Variants in TANC2 observed in about 807,000 individuals in gnomAD.
TANC2 encodes the protein tetratricopeptide repeat, ankyrin repeat and coiled-coil containing 2.
In TANC2, 26 loss-of-function variants were observed where a neutral mutation model predicts 210.5. The ratio of observed to expected loss-of-function variants is 0.12; its 90% CI spans 0.09 to 0.17. The LOEUF (loss-of-function observed/expected upper bound fraction) is 0.17, where lower values mean the gene tolerates loss of function less well. Among genes scored for constraint, TANC2 ranks in the 10% least tolerant of loss-of-function variants. The pLI is 1.00. For synonymous variants in TANC2, 931 were observed against 967.1 expected (o/e 0.96, Z 0.69); for missense variants, 2,129 against 2,608.9 (o/e 0.82, Z 4.01).
At chr17:63,061,656 G>T (rs914194596) in intron 2 of TANC2, among the ~76,000 whole-genome samples, 1 of 151,836 alleles carries the variant, frequency 6.6e-6, no homozygotes, top group Non-Finnish European at 1.5e-5. Context: ...ACATATACAT[G>T]CAGGGTTTTT....
intron 1 of TANC2, among the ~76,000 whole-genome samples, chr17:62,996,949 G>A (rs1408592096): frequency 4.1e-5 from 6 of 147,962 alleles, no homozygotes; most frequent in Non-Finnish European, 7.4e-5. Flanking sequence ...AAGTAGCTGC[G>A]ATTACAAGTG....
chr17:63,194,262 T>G, intron 6 of TANC2, 123 bp downstream of exon 6: 1 of 1,049,648 alleles, frequency 9.5e-7, no homozygotes. Context: ...ATAATCACTA[T>G]TATTTCTTCA....
chr17:62,987,994 G>A (rs2032660266), intron 1 of TANC2, among the ~76,000 whole-genome samples: 1 of 152,046 alleles, frequency 6.6e-6, no homozygotes, highest in African/African-American at 2.4e-5. Flanking sequence ...AATATAGTAA[G>A]TTTCTGCTAA....
At chr17:63,386,445 A>C (rs2147128546) in intron 15 of TANC2, among the ~76,000 whole-genome samples, 1 of 152,360 alleles carries the variant, frequency 6.6e-6, no homozygotes, top group South Asian at 2.1e-4. Context: ...GATTTTTCAA[A>C]ATAATCCCAT....
At chr17:63,348,398 G>A (rs1419382206) in intron 12 of TANC2, among the ~76,000 whole-genome samples, 1 of 152,074 alleles carries the variant, frequency 6.6e-6, no homozygotes, top group Non-Finnish European at 1.5e-5. Flanking sequence ...TATTTACAAG[G>A]GATTAAAAAT....
intron 2 of TANC2, among the ~76,000 whole-genome samples, chr17:63,019,858 A>G (rs184253876): frequency 7.2e-5 from 11 of 152,286 alleles, no homozygotes; most frequent in African/African-American, 2.2e-4. Flanking sequence ...AGTTCGCTAT[A>G]TATTCTAGCC....
chr17:63,253,634 A>G (rs1285994116), intron 8 of TANC2, among the ~76,000 whole-genome samples: 1 of 152,004 alleles, frequency 6.6e-6, no homozygotes, highest in Non-Finnish European at 1.5e-5. Context: ...TTTTTTTGAC[A>G]TAGGATCTCG....
chr17:63,059,149 C>A (rs919046109), intron 2 of TANC2, among the ~76,000 whole-genome samples: 4 of 151,634 alleles, frequency 2.6e-5, no homozygotes, highest in Admixed American at 2.6e-4. Context: ...TTTTTAAAAT[C>A]TGTTAAGAGA....
At chr17:63,269,575 T>C (rs1461968346) in intron 9 of TANC2, among the ~76,000 whole-genome samples, 1 of 152,196 alleles carries the variant, frequency 6.6e-6, no homozygotes, top group African/African-American at 2.4e-5. Context: ...TACTAATCAT[T>C]GAATAATAGA....
intron 5 of TANC2, among the ~76,000 whole-genome samples, chr17:63,192,473 A>G (rs2041217473): frequency 6.6e-6 from 1 of 152,216 alleles, no homozygotes; most frequent in Non-Finnish European, 1.5e-5. Context: ...ATTGAGATTA[A>G]CATGCTATGA....
chr17:63,355,361 A>G, exon 14 of TANC2: 1 of 1,591,430 alleles, frequency 6.3e-7, no homozygotes, highest in South Asian at 1.1e-5. Context: ...GAGAAGAAGG[A>G]GAGAAAACCA....
At chr17:63,329,977 C>G (rs2045781916) in intron 11 of TANC2, among the ~76,000 whole-genome samples, 1 of 152,116 alleles carries the variant, frequency 6.6e-6, no homozygotes, top group African/African-American at 2.4e-5. Flanking sequence ...AGCAAGTAAT[C>G]AAGTTTTGAG....
At chr17:63,419,933 C>T (rs1300645254) in intron 27 of TANC2, 66 bp from the exon 28 acceptor site, 2 of 1,464,106 alleles carry the variant, frequency 1.4e-6, no homozygotes, top group African/African-American at 2.8e-5. Context: ...ACCATGTTCT[C>T]AGCTCTTGGT....
chr17:63,209,501 T>G (rs1413663825), intron 7 of TANC2, among the ~76,000 whole-genome samples: 1 of 152,122 alleles, frequency 6.6e-6, no homozygotes, highest in Non-Finnish European at 1.5e-5. Flanking sequence ...TGGTGCAATC[T>G]CAGTTTGCTG....
chr17:63,020,469 A>G (rs934747180), intron 2 of TANC2, among the ~76,000 whole-genome samples: 1 of 152,136 alleles, frequency 6.6e-6, no homozygotes, highest in African/African-American at 2.4e-5. Flanking sequence ...ATGTCTGGCT[A>G]ATTTAAAATT....
rs907823428 is a variant in TANC2, at chr17:63,421,564, T to C, written c.5834T>C (p.Leu1945Pro). 6.2e-7 allele frequency: 1 copy of C among 1,613,936 alleles called. No individual in the cohort carries two copies. The highest frequency in any genetic ancestry group is 1.1e-5 in the South Asian group (1 of 91,066). Reference sequence around the variant, plus strand: ...GCACGGACTCAGCAGTACCCCCACCTCCACCAGCAGAATCGGACCTGGGCA... The same window carrying C: ...GCACGGACTCAGCAGTACCCCCACCCCCACCAGCAGAATCGGACCTGGGCA... Residue 1945 changes from leucine to proline, a missense_variant, in exon 28 of 28, where the codon CTC becomes CCC. Around this residue, in one of 5 missense-constraint regions of TANC2, gnomAD observed 161 missense variants for 178.6 expected, o/e 0.90. Coordinates refer to ENST00000689528, the Ensembl canonical transcript of TANC2. The surrounding 1 kb of genome is among the most constrained non-coding windows in gnomAD (Gnocchi z 6.9).
At chr17:63,170,965 T>C (rs1212642535) in intron 5 of TANC2, among the ~76,000 whole-genome samples, 2 of 152,176 alleles carry the variant, frequency 1.3e-5, no homozygotes, top group Non-Finnish European at 2.9e-5. Context: ...TTTCTGCTTC[T>C]GATCTCCATT....
At chr17:63,411,004 CTG>C (rs1359247547) in intron 21 of TANC2, among the ~76,000 whole-genome samples, 1 of 151,064 alleles carries the variant, frequency 6.6e-6, no homozygotes, top group African/African-American at 2.4e-5. Flanking sequence ...TAGCAGTGAA[CTG>C]TGAGAAGCTT....
chr17:63,201,033 T>TA (rs1451585777), intron 7 of TANC2, 76 bp downstream of exon 7: 16 of 1,350,514 alleles, frequency 1.2e-5, no homozygotes, highest in Non-Finnish European at 1.5e-5. Flanking sequence ...TTAAGGTTTT[T>TA]AAAAATTCTG....
Sources: gnomAD v4.1 joint callset for allele counts (sites outside exome capture counted in the v4.1 genomes callset) on GRCh38, gnomAD v4.1.1 for gene constraint, gnomAD v4.1.1 regional missense constraint, Gnocchi (gnomAD v3.1) non-coding constraint, MANE v1.5 for transcripts, NCBI Gene and HGNC (gene_info 2026-07-23, HGNC 2026-07-21) for gene names.